The following PRUNE2 variants were observed in gnomAD, a reference collection of about 807,000 sequenced individuals.
The protein encoded by PRUNE2 is protein prune homolog 2.
A neutral mutation model predicts 252.0 loss-of-function variants in PRUNE2; 164 were observed. That is an observed-to-expected ratio of 0.65 (90% confidence interval 0.57 to 0.74). The LOEUF is 0.74. Among genes scored for constraint, PRUNE2 ranks in the 30% least tolerant of loss-of-function variants. The pLI is 0.00. For synonymous variants in PRUNE2, 1,292 were observed against 1,350.2 expected, an observed-to-expected ratio of 0.96 and a Z score of 0.94; for missense variants, 3,495 against 3,711.0, an observed-to-expected ratio of 0.94 and a Z score of 1.51.
chr9:76,665,799 T>C (rs2040030901), intron 9 of PRUNE2, among the ~76,000 whole-genome samples: 1 of 152,076 alleles, frequency 6.6e-6, no homozygotes, highest in East Asian at 1.9e-4. Flanking sequence ...TTTGGGAGGC[T>C]GAGGTGGGCA....
intron 6 of PRUNE2, among the ~76,000 whole-genome samples, chr9:76,769,150 G>A (rs186397944): frequency 1.1e-3 from 166 of 152,160 alleles, no homozygotes; most frequent in African/African-American, 3.8e-3. Context: ...GGATCTTATT[G>A]CTTTGCTTTT....
chr9:76,633,360 C>T (rs1262278333), intron 15 of PRUNE2, among the ~76,000 whole-genome samples: 1 of 151,632 alleles, frequency 6.6e-6, no homozygotes, highest in African/African-American at 2.4e-5. Context: ...ATGGGAAGGT[C>T]ACCTGATCTC....
At chr9:76,747,193 C>T (rs776701497) in intron 6 of PRUNE2, among the ~76,000 whole-genome samples, 2 of 152,144 alleles carry the variant, frequency 1.3e-5, no homozygotes, top group Non-Finnish European at 2.9e-5. Flanking sequence ...TACCGCCACG[C>T]ATCTGGTGTG....
intron 6 of PRUNE2, among the ~76,000 whole-genome samples, chr9:76,753,628 C>A (rs1046010747): frequency 1.3e-5 from 2 of 152,084 alleles, no homozygotes; most frequent in Non-Finnish European, 2.9e-5. Flanking sequence ...AGGAATAGGG[C>A]CACGCTTCAG....
chr9:76,758,434 G>A (rs950357839), intron 6 of PRUNE2: 1 of 152,126 alleles, frequency 6.6e-6, no homozygotes, highest in African/African-American at 2.4e-5. Flanking sequence ...GAATCAAGTG[G>A]GAATAACAAT....
chr9:76,869,909 T>A (rs1462567286), intron 1 of PRUNE2, among the ~76,000 whole-genome samples: 1 of 152,242 alleles, frequency 6.6e-6, no homozygotes, highest in East Asian at 1.9e-4. Flanking sequence ...GAAAATTTTT[T>A]GATATTATCA....
At chr9:76,823,427 T>C (rs1350029653) in intron 6 of PRUNE2, 1 of 522,696 alleles carries the variant, frequency 1.9e-6, no homozygotes, top group African/African-American at 1.9e-5. Flanking sequence ...AGCATTCATC[T>C]TGAGAATCCA....
chr9:76,707,757 C>G lies in PRUNE2; in HGVS notation c.4517G>C (p.Cys1506Ser). 1 of 1,613,676 alleles carries G rather than the reference C, an allele frequency of 6.2e-7. No homozygotes were observed. The highest frequency in any genetic ancestry group is 8.5e-7 in the Non-Finnish European group (1 of 1,179,728). ...GTCAAGATTTTTGGTTATCTCAGAACATGTGCTGCTGACATGCACATCACT... is the reference window on the plus strand; with the variant it reads ...GTCAAGATTTTTGGTTATCTCAGAAGATGTGCTGCTGACATGCACATCACT... ...IDSDVHVSST[C>S]SEITKNLDVK... Residue 1506 changes from cysteine to serine, a missense_variant, in exon 8 of 19, where the codon TGT becomes TCT. Transcript: ENST00000376718.
intron 9 of PRUNE2, among the ~76,000 whole-genome samples, chr9:76,689,104 A>G (rs650682): frequency 0.81 from 123,034 of 152,110 alleles, 50,044 homozygotes; most frequent in East Asian, 0.94. Context: ...ACAGCCATTT[A>G]TTTTACTCTC....
At chr9:76,877,503 C>CAT (rs979873013) in intron 1 of PRUNE2, among the ~76,000 whole-genome samples, 12 of 151,960 alleles carry the variant, frequency 7.9e-5, no homozygotes, top group African/African-American at 2.9e-4. Flanking sequence ...AATTAAAACA[C>CAT]ACACACACAC....
chr9:76,745,825 C>T (rs1394695893), intron 6 of PRUNE2, among the ~76,000 whole-genome samples: 1 of 152,208 alleles, frequency 6.6e-6, no homozygotes, highest in Non-Finnish European at 1.5e-5. Flanking sequence ...CTTCTGTCTG[C>T]CCAGGACCTT....
intron 9 of PRUNE2, among the ~76,000 whole-genome samples, chr9:76,701,671 G>T (rs975045727): frequency 6.6e-6 from 1 of 152,204 alleles, no homozygotes; most frequent in Non-Finnish European, 1.5e-5. Context: ...AGCTGACAAT[G>T]TCTGGATTTA....
In PRUNE2 at chr9:76,709,879, C is replaced by T; in HGVS notation, c.2395G>A (p.Ala799Thr). ...TCTTCTTTACCAAATGCACTCCAGG[C>T]TGGGAATGGCGCCACAGCTGCTGGT... is the stretch of plus-strand genomic sequence containing the variant. ...GEPAAVAPFPAWSAFGKEDHD... is the reference protein window; with the variant it reads ...GEPAAVAPFPTWSAFGKEDHD... The change falls in exon 8 of 19, where the codon GCC becomes ACC. Residue 799 changes from alanine (A) to threonine (T), a missense_variant. Ala to Thr is a moderately conservative substitution (Grantham distance 58). Coordinates refer to ENST00000376718, the MANE Select transcript of PRUNE2 (RefSeq NM_015225.3). 6.2e-7 allele frequency: 1 copy of T among 1,613,868 alleles called. No individual in the cohort carries two copies. Among genetic ancestry groups the T allele is most frequent in the Non-Finnish European group, 8.5e-7 (1 of 1,179,870 alleles).
At chr9:76,835,355 A>G (rs2058900491) in intron 4 of PRUNE2, among the ~76,000 whole-genome samples, 1 of 152,082 alleles carries the variant, frequency 6.6e-6, no homozygotes, top group Non-Finnish European at 1.5e-5. Context: ...TAAGGAATGA[A>G]TAACAGAGAG....
intron 9 of PRUNE2, among the ~76,000 whole-genome samples, chr9:76,680,883 C>A (rs674139): frequency 0.56 from 84,488 of 151,968 alleles, 26,815 homozygotes; most frequent in Non-Finnish European, 0.7. Flanking sequence ...ACAACCGGAT[C>A]TCGTGAGAAC....
At chr9:76,849,824 T>C (rs1420149878) in intron 3 of PRUNE2, among the ~76,000 whole-genome samples, 2 of 136,810 alleles carry the variant, frequency 1.5e-5, no homozygotes, top group Admixed American at 1.4e-4. Flanking sequence ...AGACTCTGTC[T>C]CAAAAAAACA....
chr9:76,748,886 T>C (rs1215261162), intron 6 of PRUNE2, among the ~76,000 whole-genome samples: 3 of 152,116 alleles, frequency 2.0e-5, no homozygotes, highest in African/African-American at 4.8e-5. Flanking sequence ...TGCAGGGGTA[T>C]GTGCTGAGTG....
intron 4 of PRUNE2, among the ~76,000 whole-genome samples, chr9:76,831,859 T>C (rs2058691726): frequency 6.6e-6 from 1 of 152,152 alleles, no homozygotes; most frequent in Non-Finnish European, 1.5e-5. Context: ...AATGACAATA[T>C]ACTGCTTACC....
intron 6 of PRUNE2, chr9:76,764,394 A>G (rs755793282): frequency 1.3e-5 from 2 of 152,262 alleles, no homozygotes; most frequent in Non-Finnish European, 2.9e-5. Context: ...GCATGATGGG[A>G]GTGGCCACCT....
Sources: gnomAD v4.1 joint callset for allele counts (sites outside exome capture counted in the v4.1 genomes callset) on GRCh38, gnomAD v4.1.1 for gene constraint, MANE v1.5 for transcripts, NCBI Gene and HGNC (gene_info 2026-07-23, HGNC 2026-07-21) for gene names.